The following HMOX2 variants were observed in gnomAD, a reference collection of about 807,000 sequenced individuals.
HMOX2 encodes the protein heme oxygenase 2.
In HMOX2, 30 loss-of-function variants were observed where a neutral mutation model predicts 33.7. That is an observed-to-expected ratio of 0.89 (90% CI 0.67 to 1.21). HMOX2 has a LOEUF of 1.21. Ranked by LOEUF, HMOX2 falls within the 50% of genes most tolerant of loss-of-function variation. The probability of loss-of-function intolerance (pLI) is 0.00; values close to 1 mark genes in which losing one functional copy is unlikely to be tolerated. For synonymous variants in HMOX2, 155 were observed against 155.0 expected (o/e 1.00, Z 0.00); for missense variants, 403 against 399.1 (o/e 1.01, Z -0.08).
At chr16:4,504,264 C>T (rs530740987) in intron 1 of HMOX2, among the ~76,000 whole-genome samples, 4 of 152,104 alleles carry the variant, frequency 2.6e-5, no homozygotes, top group African/African-American at 7.2e-5. Flanking sequence ...GGCCTCAGCA[C>T]GCTTGCAGAG....
chr16:4,493,831 T>A (rs747802242), intron 1 of HMOX2, among the ~76,000 whole-genome samples: 2 of 152,246 alleles, frequency 1.3e-5, no homozygotes, highest in Non-Finnish European at 2.9e-5. Context: ...GAACCCAATT[T>A]CTACAAACTT....
intron 1 of HMOX2, among the ~76,000 whole-genome samples, chr16:4,493,242 G>C (rs2058345906): frequency 6.6e-6 from 1 of 152,062 alleles, no homozygotes; most frequent in Admixed American, 6.6e-5. Flanking sequence ...TTTTTGTAGA[G>C]ATGGGGTCTC....
At chr16:4,502,846 G>A (rs984958086) in intron 1 of HMOX2, 1 of 152,144 alleles carries the variant, frequency 6.6e-6, no homozygotes, top group Admixed American at 6.6e-5. Flanking sequence ...AGCCTCCCAA[G>A]TAGCTGGGAT....
At chr16:4,492,719 A>C (rs2058333759) in intron 1 of HMOX2, among the ~76,000 whole-genome samples, 1 of 151,910 alleles carries the variant, frequency 6.6e-6, no homozygotes. Context: ...CTCTGTCTCA[A>C]AAACAAAACA....
rs373427759 is a variant in HMOX2, at chr16:4,504,508, G to A, written c.-41-976G>A. 1.2e-3 allele frequency among the ~76,000 whole-genome samples: 182 copies of A among 150,590 alleles called. 5 individuals are homozygous for A. The South Asian group carries it at 0.037, about 31-fold the overall frequency. On this transcript the variant is annotated intron_variant, in intron 1 of 5. Transcript: ENST00000570646. ...CCTGAGTAGCTGGGATTACAGGCAC[G>A]CGCCACCACATCCGGCTAATTTTGC...
Position 4,490,733 on chromosome 16 carries a change from A to T in HMOX2, c.-42+14246A>T, listed in dbSNP as rs530582982. Among the ~76,000 whole-genome samples, 14 of 152,308 alleles carry T rather than the reference A, an allele frequency of 9.2e-5. No homozygotes were observed. The East Asian group carries it at 2.7e-3, about 29-fold the overall frequency. ...TTGGTGGAAATTCAGTTTCCTCAGA[A>T]ATCTATATAAGGGATATTTGATAAA... On this transcript the variant is annotated intron_variant, in intron 1 of 5. Coordinates refer to ENST00000570646, the MANE Select transcript of HMOX2 (RefSeq NM_002134.4).
chr16:4,481,315 C>G (rs1272943974), intron 1 of HMOX2, among the ~76,000 whole-genome samples: 1 of 146,148 alleles, frequency 6.8e-6, no homozygotes, highest in Non-Finnish European at 1.5e-5. Flanking sequence ...CGCCACTGCG[C>G]TCCAGCCTGG....
At chr16:4,509,576 G>T (rs773797794) in intron 5 of HMOX2, 38 bp downstream of exon 5, 3 of 1,614,098 alleles carry the variant, frequency 1.9e-6, no homozygotes, top group South Asian at 2.2e-5. Context: ...CCTGGGGCAG[G>T]TGTAGCAGGA....
chr16:4,499,495 C>T (rs1286482837), intron 1 of HMOX2, among the ~76,000 whole-genome samples: 4 of 151,600 alleles, frequency 2.6e-5, no homozygotes, highest in Non-Finnish European at 4.4e-5. Context: ...TGGTTACCAG[C>T]GGCTGGGGGA....
Position 4,483,134 on chromosome 16 carries a change from G to T in HMOX2, c.-42+6647G>T, listed in dbSNP as rs145345435. 2.7e-3 allele frequency among the ~76,000 whole-genome samples: 410 copies of T among 149,726 alleles called. 20 individuals are homozygous for T. In the East Asian group the frequency reaches 0.073, roughly 27 times the overall value. Reference sequence around the variant, plus strand: ...CCTCTCTGGAACTTTCGTGTATTCAGCTATCCTGAAGCTAATGCAAACCCT... The same window carrying T: ...CCTCTCTGGAACTTTCGTGTATTCATCTATCCTGAAGCTAATGCAAACCCT... On this transcript the variant is annotated intron_variant, in intron 1 of 5. Coordinates refer to ENST00000570646, the MANE Select transcript of HMOX2 (RefSeq NM_002134.4).
intron 1 of HMOX2, among the ~76,000 whole-genome samples, chr16:4,485,418 C>A (rs17882121): frequency 6.6e-6 from 1 of 152,104 alleles, no homozygotes; most frequent in African/African-American, 2.4e-5. Context: ...CAAGCATAGT[C>A]TTTGTTTACT....
chr16:4,482,290 G>GT (rs1453967314), intron 1 of HMOX2, among the ~76,000 whole-genome samples: 1 of 152,158 alleles, frequency 6.6e-6, no homozygotes, highest in Non-Finnish European at 1.5e-5. Context: ...ACTAGCTGCT[G>GT]TAGGTTATGC....
intron 1 of HMOX2, among the ~76,000 whole-genome samples, chr16:4,492,646 G>A (rs906208183): frequency 1.3e-5 from 2 of 152,088 alleles, no homozygotes; most frequent in Admixed American, 6.6e-5. Flanking sequence ...TTGAACCCAG[G>A]AGGCAGAGAT....
In HMOX2 at chr16:4,510,065, T is replaced by G. The variant is rs1229435646; in HGVS notation, c.*309T>G. On this transcript the variant is annotated 3_prime_UTR_variant, in exon 6 of 6. Transcript: ENST00000570646. The stretch of plus-strand genomic sequence containing the variant: ...TAGGCTGCTTCCGGTAGTCCCTGTT[T>G]TTGCAGTACATGGGTGACTATCTCC... 24 of 413,316 alleles carry G rather than the reference T, an allele frequency of 5.8e-5. No homozygotes were observed. The East Asian group carries it at 9.0e-4, about 15-fold the overall frequency. 25.6% of individuals were successfully genotyped at this position (413,316 alleles called of 1,614,324 possible). A position where few individuals can be genotyped will look rare whatever the true frequency, so the allele number is the denominator to read the frequency against.
intron 3 of HMOX2, among the ~76,000 whole-genome samples, chr16:4,507,226 C>T (rs960118536): frequency 8.5e-5 from 13 of 152,120 alleles, no homozygotes; most frequent in African/African-American, 3.1e-4. Context: ...AGGTGGATCA[C>T]TTGAGGCCAG....
At chr16:4,481,044 T>C (rs1268756990) in intron 1 of HMOX2, among the ~76,000 whole-genome samples, 2 of 151,730 alleles carry the variant, frequency 1.3e-5, no homozygotes, top group Non-Finnish European at 2.9e-5. Context: ...AAGAAGGTAC[T>C]AGTGTGATTA....
chr16:4,490,477 C>T (rs116858251), intron 1 of HMOX2, among the ~76,000 whole-genome samples: 4,645 of 152,238 alleles, frequency 0.031, 121 homozygotes, highest in Admixed American at 0.094. Flanking sequence ...GACTGATAAA[C>T]GAAAATCAAA....
At chr16:4,492,469 C>G (rs1394142554) in intron 1 of HMOX2, among the ~76,000 whole-genome samples, 1 of 152,080 alleles carries the variant, frequency 6.6e-6, no homozygotes, top group Non-Finnish European at 1.5e-5. Context: ...GCTATAATCC[C>G]AGCACTTTGG....
chr16:4,504,009 C>T (rs1388310602), intron 1 of HMOX2, among the ~76,000 whole-genome samples: 5 of 152,206 alleles, frequency 3.3e-5, no homozygotes, highest in African/African-American at 9.7e-5. Context: ...AAATGGGCTG[C>T]GCCTTACATT....
Sources: gnomAD v4.1 joint callset for allele counts (sites outside exome capture counted in the v4.1 genomes callset) on GRCh38, gnomAD v4.1.1 for gene constraint, MANE v1.5 for transcripts, NCBI Gene and HGNC (gene_info 2026-07-23, HGNC 2026-07-21) for gene names.